The following MAP3K13 variants were observed in gnomAD, a reference collection of about 807,000 sequenced individuals.
The protein encoded by MAP3K13 is leucine zipper-bearing kinase.
MAP3K13 carries 52 observed loss-of-function variants against 104.0 expected under a neutral mutation model. The ratio of observed to expected loss-of-function variants is 0.50; its 90% CI spans 0.40 to 0.63. MAP3K13 has a LOEUF of 0.63. MAP3K13 is among the 20% of genes least tolerant of loss of function. MAP3K13 has a pLI of 0.00. For synonymous variants in MAP3K13, 394 were observed against 442.2 expected (o/e 0.89, Z 1.37); for missense variants, 914 against 1,218.5 (o/e 0.75, Z 3.72).
At chr3:185,334,603 C>CTTT (rs67702394) in intron 2 of MAP3K13, among the ~76,000 whole-genome samples, 2 of 144,926 alleles carry the variant, frequency 1.4e-5, no homozygotes. Context: ...AATGGATTTT[C>CTTT]TTTTTTTTTT....
At position 185,485,434 on chromosome 3, in the gene MAP3K13, C is replaced by A. The variant is rs1718671398; in HGVS notation, c.*2978C>A. 6.6e-6 allele frequency: 1 copy of A among 152,152 alleles called. No individual in the cohort carries two copies. The highest frequency in any genetic ancestry group is 2.4e-5 in the African/African-American group (1 of 41,420). The allele number at this position is 152,152 out of a possible 1,614,324, so 9.4% of individuals were successfully genotyped here. ...GTCCAAAAATATTTGATGGAACATT[C>A]CAGAAATAAACAATTCATAAATTTT... is the stretch of plus-strand genomic sequence containing the variant. On this transcript the variant is annotated 3_prime_UTR_variant, in exon 14 of 14. Coordinates refer to ENST00000265026, the MANE Select transcript of MAP3K13 (RefSeq NM_004721.5).
intron 7 of MAP3K13, among the ~76,000 whole-genome samples, chr3:185,452,809 G>C (rs1715967554): frequency 6.6e-6 from 1 of 152,196 alleles, no homozygotes; most frequent in African/African-American, 2.4e-5. Context: ...TGTTCACATA[G>C]TGTTCTCAGG....
chr3:185,455,856 GAT>G (rs1468069681), intron 7 of MAP3K13, among the ~76,000 whole-genome samples: 20 of 117,544 alleles, frequency 1.7e-4, no homozygotes, highest in South Asian at 5.4e-4. Flanking sequence ...ATATATATGA[GAT>G]ATATATGAGA....
chr3:185,374,226 G>A (rs1724307256), intron 1 of MAP3K13, among the ~76,000 whole-genome samples: 1 of 152,170 alleles, frequency 6.6e-6, no homozygotes. Flanking sequence ...CTTAGGCTCA[G>A]AGGCCTGACA....
rs558108370 is a variant in MAP3K13 at position 185,435,260 on chromosome 3, C to A, written c.476-2187C>A. Among the ~76,000 whole-genome samples the A allele has an allele frequency of 1.6e-3, 249 of 152,130 alleles. 1 individual carries two copies. The highest frequency in any genetic ancestry group is 5.4e-3 in the African/African-American group (224 of 41,490). Reference sequence around the variant, plus strand: ...CTCCTGACCTCATGGTCCACCCTGCCTCAGCCTCCCAAAGTGCTGGGATTA... The same window carrying A: ...CTCCTGACCTCATGGTCCACCCTGCATCAGCCTCCCAAAGTGCTGGGATTA... On this transcript the variant is annotated intron_variant, in intron 2 of 13. Coordinates refer to ENST00000265026, the MANE Select transcript of MAP3K13 (RefSeq NM_004721.5).
chr3:185,309,276 G>C (rs558664448), intron 2 of MAP3K13, among the ~76,000 whole-genome samples: 2 of 152,262 alleles, frequency 1.3e-5, no homozygotes, highest in Admixed American at 1.3e-4. Context: ...GCCACAAGGT[G>C]GTGGGTGGAT....
chr3:185,367,824 G>A (rs1301908475), intron 1 of MAP3K13, among the ~76,000 whole-genome samples: 1 of 152,160 alleles, frequency 6.6e-6, no homozygotes, highest in Non-Finnish European at 1.5e-5. Context: ...TCAAACTCCT[G>A]TGCTCAAGTG....
intron 8 of MAP3K13, 139 bp downstream of exon 8, chr3:185,463,798 C>A: frequency 1.9e-6 from 1 of 523,590 alleles, no homozygotes; most frequent in South Asian, 3.7e-5. Context: ...TAAAAGTTGC[C>A]CCAAAAGTTA....
At chr3:185,387,266 G>A (rs569865138) in intron 1 of MAP3K13, among the ~76,000 whole-genome samples, 12 of 152,194 alleles carry the variant, frequency 7.9e-5, no homozygotes, top group African/African-American at 2.6e-4. Context: ...ATATACTAAT[G>A]CTCTTCCTTT....
intron 2 of MAP3K13, among the ~76,000 whole-genome samples, chr3:185,333,088 A>C (rs1417151053): frequency 6.6e-6 from 1 of 151,968 alleles, no homozygotes; most frequent in Non-Finnish European, 1.5e-5. Context: ...TGAACTCTTC[A>C]TATTCTTTGC....
At chr3:185,285,555 CT>C in exon 2 of MAP3K13, 5 of 1,453,050 alleles carry the variant, frequency 3.4e-6, no homozygotes, top group Non-Finnish European at 3.7e-6. Flanking sequence ...CTAAAATGGA[CT>C]TCATTTAAAG....
intron 1 of MAP3K13, among the ~76,000 whole-genome samples, chr3:185,373,898 C>G (rs62290179): frequency 1.4e-5 from 2 of 146,088 alleles, no homozygotes; most frequent in Non-Finnish European, 3.0e-5. Context: ...GCTGAGTCCG[C>G]AAAAGGAGTC....
At chr3:185,360,447 T>G (rs1265423328), upstream of MAP3K13, among the ~76,000 whole-genome samples, 1 of 152,204 alleles carries the variant, frequency 6.6e-6, no homozygotes, top group Admixed American at 6.5e-5. Context: ...GCTTCTAAAA[T>G]GATAATGACT....
rs140033867 is a variant in MAP3K13, at chr3:185,480,341, G to C, written c.2611G>C (p.Asp871His). ...TACCAGTGACCACTCAAACAGTCCT[G>C]ATGAGTTAGCTGATAAACTTGAAGA... ...GNTSDHSNSP[D>H]ELADKLEDRL... The change falls in exon 13 of 14, where the codon GAT (aspartate) becomes CAT (histidine). Residue 871 changes from aspartate to histidine, a missense_variant. Transcript: ENST00000265026. 2 of 1,614,188 alleles carry C rather than the reference G, an allele frequency of 1.2e-6. No homozygotes were observed. Among genetic ancestry groups the C allele is most frequent in the Non-Finnish European group, 1.7e-6 (2 of 1,180,036 alleles).
chr3:185,308,839 A>C (rs1461065132), intron 2 of MAP3K13, among the ~76,000 whole-genome samples: 3 of 152,096 alleles, frequency 2.0e-5, no homozygotes, highest in Non-Finnish European at 4.4e-5. Flanking sequence ...TTATGGGTGA[A>C]ATGCATTAGC....
In MAP3K13 at chr3:185,339,733, G is replaced by T. The variant is rs567144696; in HGVS notation, c.-86+54090G>T. Reference sequence around the variant, plus strand: ...GAGAGAGGCTGTGTTCTAATGAAGTGTTATTTGTAAAAATAAGCAGCCAGC... The same window carrying T: ...GAGAGAGGCTGTGTTCTAATGAAGTTTTATTTGTAAAAATAAGCAGCCAGC... On this transcript the variant is annotated intron_variant, in intron 2 of 14. Transcript: ENST00000424227. Among the ~76,000 whole-genome samples, 6 of 152,346 alleles carry T rather than the reference G, an allele frequency of 3.9e-5. 1 individual carries two copies. The highest frequency in any genetic ancestry group is 1.4e-4 in the African/African-American group (6 of 41,578).
Position 185,482,900 on chromosome 3 carries a change from G to A in MAP3K13, c.*444G>A, listed in dbSNP as rs1718545817. 4.3e-6 allele frequency: 1 copy of A among 234,824 alleles called. No individual in the cohort carries two copies. 14.5% of individuals were successfully genotyped at this position (234,824 alleles called of 1,614,324 possible). On this transcript the variant is annotated 3_prime_UTR_variant, in exon 14 of 14. Coordinates refer to ENST00000265026, the MANE Select transcript of MAP3K13 (RefSeq NM_004721.5). This position sits in a 1 kb window ranked among gnomAD's most constrained non-coding sequence, Gnocchi z 4.5. ...TCCTTGGGAATTTGTGGGGCCGGGA[G>A]GTATTATTGCTGCTTGAACAGGGGA...
chr3:185,363,436 T>A, intron 1 of MAP3K13, 68 bp downstream of exon 1: 1 of 777,166 alleles, frequency 1.3e-6, no homozygotes, highest in Non-Finnish European at 1.6e-6. Flanking sequence ...AGAGAATGTG[T>A]GATTTGAGGT....
chr3:185,358,215 T>C (rs967103001), upstream of MAP3K13, among the ~76,000 whole-genome samples: 1 of 152,184 alleles, frequency 6.6e-6, no homozygotes, highest in Non-Finnish European at 1.5e-5. Flanking sequence ...TAAAGTTGGC[T>C]CTGAGCTTCC....
Sources: allele counts gnomAD v4.1 joint callset (sites outside exome capture counted in the v4.1 genomes callset), GRCh38; gene constraint gnomAD v4.1.1; non-coding constraint Gnocchi (gnomAD v3.1); transcripts MANE v1.5; gene names NCBI Gene and HGNC (gene_info 2026-07-23, HGNC 2026-07-21).